The following SLC9A2 variants were observed in gnomAD, a reference collection of about 807,000 sequenced individuals.
The protein encoded by SLC9A2 is solute carrier family 9 member A2, also known as sodium/hydrogen exchanger 2.
Under a neutral mutation model 71.7 loss-of-function variants are expected in SLC9A2, and 42 were observed. The ratio of observed to expected loss-of-function variants is 0.59; its 90% confidence interval spans 0.46 to 0.76. The LOEUF (loss-of-function observed/expected upper bound fraction) is 0.76, where lower values mean the gene tolerates loss of function less well. Ranked by LOEUF, SLC9A2 falls within the 30% of genes least tolerant of loss-of-function variation. SLC9A2 has a pLI of 0.00. For synonymous variants in SLC9A2, 396 were observed against 392.5 expected, an observed-to-expected ratio of 1.01 and a Z score of -0.10; for missense variants, 829 against 1,017.4, an observed-to-expected ratio of 0.81 and a Z score of 2.52.
intron 1 of SLC9A2, among the ~76,000 whole-genome samples, chr2:102,645,653 C>T (rs1676708225): frequency 6.6e-6 from 1 of 151,874 alleles, no homozygotes; most frequent in African/African-American, 2.4e-5. Context: ...CTTCATGAAG[C>T]ATACACAAGT....
rs1678056767 is a variant in SLC9A2 at position 102,709,363 on chromosome 2, C to T, written c.*874C>T. ...CAGGGCAGCACCTGGTTACAACTTG[C>T]TGGTGGGTTTTATGTTGTGCAATAC... On this transcript the variant is annotated 3_prime_UTR_variant, in exon 12 of 12. Coordinates refer to ENST00000233969, the MANE Select transcript of SLC9A2 (RefSeq NM_003048.6). 6.6e-6 allele frequency: 1 copy of T among 152,054 alleles called. No homozygotes were observed. The highest frequency in any genetic ancestry group is 2.1e-4 in the South Asian group (1 of 4,834). The allele number at this position is 152,054 out of a possible 1,614,324, so 9.4% of individuals were successfully genotyped here.
chr2:102,704,446 C>G (rs1167882128), intron 9 of SLC9A2, 98 bp from the exon 10 acceptor site: 1 of 1,144,272 alleles, frequency 8.7e-7, no homozygotes, highest in African/African-American at 1.5e-5. Flanking sequence ...AGCTGAGGTG[C>G]AGATCCAAAG....
intron 7 of SLC9A2, among the ~76,000 whole-genome samples, chr2:102,695,375 G>A (rs150924741): frequency 6.6e-6 from 1 of 152,044 alleles, no homozygotes; most frequent in Admixed American, 6.6e-5. Flanking sequence ...ACTCCCCCAG[G>A]GTCCGAGGAC....
rs1333350057 is a variant in SLC9A2, at chr2:102,708,308, G to A, written c.2258G>A (p.Arg753Lys). ...MPSTPPTPHS[R>K]EKGTQTSGLL... ...AGCACCCCCCCAACACCCCACAGCA[G>A]AGAAAAGGGCACCCAGACGTCAGGC... Residue 753 changes from arginine to lysine, a missense_variant, in exon 12 of 12, where the codon AGA becomes AAA. This residue lies in a region of SLC9A2 where 223 missense variants were observed against 197.5 expected (regional missense o/e 1.13). Coordinates refer to ENST00000233969, the MANE Select transcript of SLC9A2 (RefSeq NM_003048.6). 1.2e-6 allele frequency: 2 copies of A among 1,614,178 alleles called. No homozygotes were observed. The highest frequency in any genetic ancestry group is 2.7e-5 in the African/African-American group (2 of 75,046).
chr2:102,704,423 G>A (rs1677933015), intron 9 of SLC9A2, 121 bp from the exon 10 acceptor site: 2 of 815,346 alleles, frequency 2.5e-6, no homozygotes, highest in Non-Finnish European at 1.9e-6. Flanking sequence ...CTGCACAGAA[G>A]TTATAAGTGC....
At position 102,659,677 on chromosome 2, in the gene SLC9A2, A is replaced by G. The variant is rs545123631; in HGVS notation, c.753+1650A>G. 1.1e-4 allele frequency among the ~76,000 whole-genome samples: 16 copies of G among 152,310 alleles called. No individual in the cohort carries two copies. In the South Asian group the frequency reaches 3.3e-3, roughly 32 times the overall value. On this transcript the variant is annotated intron_variant, in intron 2 of 11. Transcript: ENST00000233969. Reference sequence around the variant, plus strand: ...TTAAGTAACAAAATCCGCTTCATATATTCCATTATTCATGAACTGAGTAGT... The same window carrying G: ...TTAAGTAACAAAATCCGCTTCATATGTTCCATTATTCATGAACTGAGTAGT...
chr2:102,675,414 T>C (rs1009217328), intron 3 of SLC9A2, among the ~76,000 whole-genome samples: 1 of 152,228 alleles, frequency 6.6e-6, no homozygotes, highest in Non-Finnish European at 1.5e-5. Flanking sequence ...TTCTGTTTTA[T>C]GATAAATACA....
intron 7 of SLC9A2, among the ~76,000 whole-genome samples, chr2:102,699,062 T>TGCTA (rs1224092613): frequency 6.6e-6 from 1 of 152,182 alleles, no homozygotes; most frequent in Non-Finnish European, 1.5e-5. Flanking sequence ...TTGTATGTCA[T>TGCTA]GCTAGAAAGT....
At chr2:102,664,156 A>G (rs1168855347) in intron 2 of SLC9A2, among the ~76,000 whole-genome samples, 1 of 151,790 alleles carries the variant, frequency 6.6e-6, no homozygotes, top group Non-Finnish European at 1.5e-5. Context: ...CCTGCCTGTA[A>G]TCTCAGCTAC....
chr2:102,665,123 G>A lies in SLC9A2; in HGVS notation c.777G>A (p.Ser259=), dbSNP rs1376781792. 4 of 1,613,384 alleles carry A rather than the reference G, an allele frequency of 2.5e-6. No homozygotes were observed. Among genetic ancestry groups the A allele is most frequent in the East Asian group, 2.2e-5 (1 of 44,874 alleles). ...AGGTCCTGTACAACTTGTTCAAGTC[G>A]TTTTGCCAGATGAAAACCATTGAGA... ...VTVVLYNLFK[S]FCQMKTIETI... is the part of the protein sequence containing the mutation. Residue 259 remains serine, a synonymous_variant, in exon 3 of 12, where the codon TCG becomes TCA. Transcript: ENST00000233969.
intron 8 of SLC9A2, among the ~76,000 whole-genome samples, 170 bp downstream of exon 8, chr2:102,701,401 G>A (rs1320425523): frequency 6.6e-6 from 1 of 152,132 alleles, no homozygotes; most frequent in African/African-American, 2.4e-5. Flanking sequence ...TGCAAATACT[G>A]AATCATTTTT....
In SLC9A2 at chr2:102,657,471, C is replaced by T. The variant is rs115438436; in HGVS notation, c.290-93C>T. The T allele has an allele frequency of 3.0e-3, 2,263 of 756,280 alleles. 34 individuals are homozygous for T. The African/African-American group carries it at 0.035, about 12-fold the overall frequency. 46.8% of individuals were successfully genotyped at this position (756,280 alleles called of 1,614,324 possible). ...GATACTGACTTGGGAGATGGTGAAACAGGACCCACTGGTTCTATCAAAGGG... is the reference window on the plus strand; with the variant it reads ...GATACTGACTTGGGAGATGGTGAAATAGGACCCACTGGTTCTATCAAAGGG... On this transcript the variant is annotated intron_variant, in intron 1 of 11. Coordinates refer to ENST00000233969, the MANE Select transcript of SLC9A2 (RefSeq NM_003048.6).
At position 102,708,363 on chromosome 2, in the gene SLC9A2, C is replaced by A. The variant is rs750251586; in HGVS notation, c.2313C>A (p.Asp771Glu). 28 of 1,614,110 alleles carry A rather than the reference C, an allele frequency of 1.7e-5. No individual in the cohort carries two copies. The South Asian group carries it at 3.1e-4, about 18-fold the overall frequency. ...TACAGCAGCCCCTTCTCTCTAAAGA[C>A]CAGTCTGGCTCAGAGAGGGAAGACA... ...GLLQQPLLSK[D>E]QSGSEREDSL... Residue 771 changes from aspartate to glutamate, a missense_variant, in exon 12 of 12, where the codon GAC (aspartate) becomes GAA (glutamate). Physicochemically the swap from Asp to Glu is conservative, Grantham distance 45. Transcript: ENST00000233969.
intron 5 of SLC9A2, among the ~76,000 whole-genome samples, chr2:102,692,558 T>C (rs77109149): frequency 0.019 from 2,833 of 152,286 alleles, 39 homozygotes; most frequent in Non-Finnish European, 0.029. Flanking sequence ...CTTGGGAATC[T>C]TGACTCTCAC....
At chr2:102,659,308 G>A (rs1199653700) in intron 2 of SLC9A2, among the ~76,000 whole-genome samples, 1 of 151,804 alleles carries the variant, frequency 6.6e-6, no homozygotes, top group Admixed American at 6.6e-5. Context: ...GGGCATGGTG[G>A]TGAGCGCCTG....
chr2:102,664,001 C>T (rs546196444), intron 2 of SLC9A2, among the ~76,000 whole-genome samples: 8 of 152,236 alleles, frequency 5.3e-5, no homozygotes, highest in African/African-American at 1.7e-4. Context: ...ACAGGCTGGG[C>T]GTGGTGGCTC....
intron 3 of SLC9A2, 33 bp downstream of exon 3, chr2:102,665,383 T>C: frequency 6.3e-7 from 1 of 1,583,470 alleles, no homozygotes; most frequent in Non-Finnish European, 8.6e-7. Flanking sequence ...TGCTCGATGA[T>C]GGCATTTCAT....
intron 1 of SLC9A2, among the ~76,000 whole-genome samples, chr2:102,632,121 CATATATACATATATATGTATATAT>C (rs1558701499): frequency 1.1e-5 from 1 of 95,098 alleles, no homozygotes; most frequent in African/African-American, 5.0e-5. Flanking sequence ...TGTATATATA[CATATATACATATATATGTATATAT>C]ACATATATAC....
intron 3 of SLC9A2, among the ~76,000 whole-genome samples, chr2:102,672,689 T>G (rs1186121969): frequency 2.0e-5 from 3 of 152,102 alleles, no homozygotes; most frequent in Non-Finnish European, 4.4e-5. Flanking sequence ...CATTCGGGGG[T>G]TTTATATAAA....
Sources: gnomAD v4.1 joint callset for allele counts (sites outside exome capture counted in the v4.1 genomes callset) on GRCh38, gnomAD v4.1.1 for gene constraint, gnomAD v4.1.1 regional missense constraint, MANE v1.5 for transcripts, NCBI Gene and HGNC (gene_info 2026-07-23, HGNC 2026-07-21) for gene names.